The following GALNT2 variants were observed in gnomAD, a reference collection of about 807,000 sequenced individuals.
The protein encoded by GALNT2 is UDP-GalNAc:polypeptide N-acetylgalactosaminyltransferase 2.
GALNT2 carries 31 observed loss-of-function variants against 81.4 expected under a neutral mutation model. The ratio of observed to expected loss-of-function variants is 0.38; its 90% CI spans 0.29 to 0.51. GALNT2 has a LOEUF of 0.51. Ranked by LOEUF, GALNT2 falls within the 20% of genes least tolerant of loss-of-function variation. The pLI, the probability that GALNT2 is intolerant of heterozygous loss-of-function variation, is 0.87. For synonymous variants in GALNT2, 303 were observed against 287.4 expected (o/e 1.05, Z -0.55); for missense variants, 629 against 765.7 (o/e 0.82, Z 2.11).
chr1:230,157,318 A>C (rs202081349), intron 1 of GALNT2, among the ~76,000 whole-genome samples: 8 of 151,914 alleles, frequency 5.3e-5, no homozygotes, highest in Non-Finnish European at 5.9e-5. Flanking sequence ...CTTTGGGGGG[A>C]AAAAAAGCAA....
At chr1:230,151,062 G>T (rs1184426069) in intron 1 of GALNT2, among the ~76,000 whole-genome samples, 4 of 152,206 alleles carry the variant, frequency 2.6e-5, no homozygotes, top group Non-Finnish European at 4.4e-5. Flanking sequence ...TACCTGGGTT[G>T]CCTGGAGCAC....
At chr1:230,063,061 C>T (rs1012463585), upstream of GALNT2, among the ~76,000 whole-genome samples, 2 of 151,794 alleles carry the variant, frequency 1.3e-5, no homozygotes, top group African/African-American at 4.8e-5. Flanking sequence ...ACCTGTAATC[C>T]CAGCACTTTG....
chr1:230,152,911 A>G (rs1426202345), intron 1 of GALNT2, among the ~76,000 whole-genome samples: 1 of 152,126 alleles, frequency 6.6e-6, no homozygotes, highest in African/African-American at 2.4e-5. Flanking sequence ...TGCTGCCTGT[A>G]TCTATGGCCT....
intron 6 of GALNT2, among the ~76,000 whole-genome samples, chr1:230,240,696 C>T (rs904452291): frequency 3.7e-4 from 56 of 151,502 alleles, no homozygotes; most frequent in African/African-American, 1.3e-3. Context: ...TTATGATGTG[C>T]CTAGATTTAG....
chr1:230,223,687 T>C (rs1486151152), intron 3 of GALNT2, among the ~76,000 whole-genome samples: 1 of 152,180 alleles, frequency 6.6e-6, no homozygotes, highest in Non-Finnish European at 1.5e-5. Flanking sequence ...GCCAGGCTGG[T>C]CTTGAACTCC....
At chr1:230,263,147 T>C in intron 13 of GALNT2, 142 bp downstream of exon 13, 1 of 676,266 alleles carries the variant, frequency 1.5e-6, no homozygotes, top group South Asian at 1.8e-5. Flanking sequence ...GTGGTCTCAC[T>C]CCATGGTGTG....
At chr1:230,245,663 T>C (rs992476534) in intron 7 of GALNT2, among the ~76,000 whole-genome samples, 1 of 152,198 alleles carries the variant, frequency 6.6e-6, no homozygotes, top group African/African-American at 2.4e-5. Context: ...AGTGACTCCA[T>C]TCCTGAAGTT....
intron 1 of GALNT2, among the ~76,000 whole-genome samples, chr1:230,086,238 A>G (rs891596131): frequency 2.6e-5 from 4 of 152,184 alleles, no homozygotes; most frequent in Admixed American, 6.5e-5. Context: ...ATCTGGAGGC[A>G]TTTCAGCAAG....
At chr1:230,104,504 A>G (rs546764747) in intron 1 of GALNT2, among the ~76,000 whole-genome samples, 1 of 152,174 alleles carries the variant, frequency 6.6e-6, no homozygotes, top group Non-Finnish European at 1.5e-5. Flanking sequence ...GGATGCACCG[A>G]GTCATAAAAT....
exon 1 of GALNT2, chr1:230,058,071 C>T (rs1658957531): frequency 2.2e-6 from 1 of 456,282 alleles, no homozygotes; most frequent in Non-Finnish European, 4.4e-6. Context: ...GCCCCTATGG[C>T]TGACAGAGTA....
At chr1:230,234,185 C>G (rs1664954415) in intron 3 of GALNT2, among the ~76,000 whole-genome samples, 2 of 151,854 alleles carry the variant, frequency 1.3e-5, no homozygotes, top group Non-Finnish European at 2.9e-5. Flanking sequence ...GAGAGGGGGT[C>G]CAAGACAATT....
chr1:230,088,421 T>G (rs1659959363), intron 1 of GALNT2, among the ~76,000 whole-genome samples: 1 of 132,178 alleles, frequency 7.6e-6, no homozygotes, highest in Admixed American at 7.4e-5. Context: ...TGTGACAGGG[T>G]TTTTTTTTTA....
rs1166176500 is a variant in GALNT2, at chr1:230,178,002, CT to C, written c.127-214del. ...TAAAATGAAGAGAGAAATGCAAACCCTTGGGAAAGGTCATGCCCATACTTTT... is the reference window on the plus strand; with the variant it reads ...TAAAATGAAGAGAGAAATGCAAACCCTGGGAAAGGTCATGCCCATACTTTT... On this transcript the variant is annotated intron_variant, in intron 1 of 15. Transcript: ENST00000366672. Among the ~76,000 whole-genome samples the C allele has an allele frequency of 3.3e-5, 5 of 152,250 alleles. No individual in the cohort carries two copies. The South Asian group carries it at 8.3e-4, about 25-fold the overall frequency.
chr1:230,098,437 T>C (rs920592908), intron 1 of GALNT2, among the ~76,000 whole-genome samples: 4 of 151,924 alleles, frequency 2.6e-5, no homozygotes, highest in Non-Finnish European at 4.4e-5. Flanking sequence ...GGCAGGTCTA[T>C]GCAAACTACC....
chr1:230,223,853 C>G (rs148435551), intron 3 of GALNT2, among the ~76,000 whole-genome samples: 3 of 152,322 alleles, frequency 2.0e-5, no homozygotes, highest in Non-Finnish European at 4.4e-5. Flanking sequence ...ATGTCACCCT[C>G]CACAGAACTT....
chr1:230,266,989 G>GACACACACAC (rs35956776), intron 14 of GALNT2, among the ~76,000 whole-genome samples: 4,126 of 146,748 alleles, frequency 0.028, 173 homozygotes, highest in East Asian at 0.15. Flanking sequence ...GCACGTGTGT[G>GACACACACAC]ACACACACAC....
chr1:230,110,570 C>T (rs1356860105), intron 1 of GALNT2, among the ~76,000 whole-genome samples: 3 of 152,116 alleles, frequency 2.0e-5, no homozygotes, highest in Admixed American at 2.0e-4. Flanking sequence ...GTTAATGTAA[C>T]CAGAACACTT....
intron 1 of GALNT2, among the ~76,000 whole-genome samples, chr1:230,088,457 A>G (rs1341629064): frequency 2.0e-5 from 3 of 151,066 alleles, no homozygotes; most frequent in South Asian, 4.2e-4. Flanking sequence ...GGTGAAATTC[A>G]TGTAACATAA....
intron 1 of GALNT2, among the ~76,000 whole-genome samples, chr1:230,109,743 A>G (rs1660647913): frequency 6.6e-6 from 1 of 151,766 alleles, no homozygotes; most frequent in Non-Finnish European, 1.5e-5. Context: ...CAGAAGAATC[A>G]CTTGAACCTG....
Sources: gnomAD v4.1 joint callset for allele counts (sites outside exome capture counted in the v4.1 genomes callset) on GRCh38, gnomAD v4.1.1 for gene constraint, MANE v1.5 for transcripts, NCBI Gene and HGNC (gene_info 2026-07-23, HGNC 2026-07-21) for gene names.